CDYL: variants seen among roughly 807,000 people sequenced by gnomAD.
CDYL encodes chromodomain Y like, also known as chromodomain Y-like protein.
CDYL carries 8 observed loss-of-function variants against 47.3 expected under a neutral mutation model. The observed-to-expected ratio is 0.17, with a 90% CI of 0.10 to 0.31. The LOEUF is 0.31. CDYL is among the 10% of genes least tolerant of loss of function. The pLI, the probability that CDYL is intolerant of heterozygous loss-of-function variation, is 1.00. For synonymous variants in CDYL, 266 were observed against 265.0 expected, an observed-to-expected ratio of 1.00 and a Z score of -0.04; for missense variants, 471 against 701.4, an observed-to-expected ratio of 0.67 and a Z score of 3.71.
intron 1 of CDYL, among the ~76,000 whole-genome samples, chr6:4,794,458 A>G (rs1027397147): frequency 3.3e-5 from 5 of 152,114 alleles, no homozygotes; most frequent in Non-Finnish European, 1.5e-5. Context: ...GGTGGTGATT[A>G]TGGGCGACTC....
chr6:4,935,407 T>G, intron 2 of CDYL, 108 bp from the exon 3 acceptor site: 1 of 972,516 alleles, frequency 1.0e-6, no homozygotes, highest in Non-Finnish European at 1.6e-6. Context: ...CTTATATTCG[T>G]TTAATCCTAA....
At chr6:4,862,573 A>G (rs1055950942) in intron 1 of CDYL, among the ~76,000 whole-genome samples, 4 of 152,208 alleles carry the variant, frequency 2.6e-5, no homozygotes, top group African/African-American at 9.6e-5. Context: ...AATGATCTCA[A>G]AGCTCCCTAC....
chr6:4,740,372 G>A (rs1053825523), intron 3 of CDYL, among the ~76,000 whole-genome samples: 7 of 152,184 alleles, frequency 4.6e-5, no homozygotes, highest in East Asian at 1.9e-4. Context: ...CATTTTAGTC[G>A]TCACAGCTGG....
Position 4,780,394 on chromosome 6 carries a change from CTA to C in CDYL, c.24+3588_24+3589del, listed in dbSNP as rs58462500. 4.5e-3 allele frequency among the ~76,000 whole-genome samples: 238 copies of C among 52,822 alleles called. 2 individuals carry two copies. Among genetic ancestry groups the C allele is most frequent in the African/African-American group, 0.014 (181 of 12,556 alleles). The allele number at this position is 52,822 out of a possible 152,430, so 34.7% of individuals were successfully genotyped here. A position where few individuals can be genotyped will look rare whatever the true frequency, so the allele number is the denominator to read the frequency against. Reference sequence around the variant, plus strand: ...GATTACAGACGTGCACCACCCCCGCCTACGCCCCCCCCCCCCCGCCCCCGCCC... The same window carrying C: ...GATTACAGACGTGCACCACCCCCGCCCGCCCCCCCCCCCCCGCCCCCGCCC... On this transcript the variant is annotated intron_variant, in intron 1 of 6. Coordinates refer to ENST00000397588, the MANE Select transcript of CDYL (RefSeq NM_004824.4).
rs1238258761 is a variant in CDYL, at chr6:4,819,115, G to A, written c.24+42308G>A. 4.8e-4 allele frequency among the ~76,000 whole-genome samples: 18 copies of A among 37,370 alleles called. 1 individual carries two copies. The East Asian group carries it at 0.011, about 23-fold the overall frequency. 24.5% of individuals were successfully genotyped at this position (37,370 alleles called of 152,430 possible). On this transcript the variant is annotated intron_variant, in intron 1 of 6. Transcript: ENST00000397588. ...CCTGGCTCTTTTTCTTTTTAGGTTC[G>A]TTCTCTCTCTCTCTCTCTCTCTCTC...
chr6:4,790,112 G>C (rs187701255), intron 1 of CDYL, among the ~76,000 whole-genome samples: 1 of 152,156 alleles, frequency 6.6e-6, no homozygotes, highest in East Asian at 1.9e-4. Flanking sequence ...AAGATTTGCT[G>C]TTCTCCTCAG....
At chr6:4,901,611 T>C (rs541422946) in intron 2 of CDYL, among the ~76,000 whole-genome samples, 16 of 152,314 alleles carry the variant, frequency 1.1e-4, no homozygotes, top group African/African-American at 2.9e-4. Context: ...GGTGGGAAAC[T>C]AGACTCTACG....
At chr6:4,714,588 A>T (rs542296183) in intron 1 of CDYL, 2 of 152,346 alleles carry the variant, frequency 1.3e-5, no homozygotes, top group East Asian at 3.9e-4. Flanking sequence ...TTGAAGCACC[A>T]TGCTCCCAGG....
chr6:4,920,564 G>A (rs1757682405), intron 2 of CDYL, among the ~76,000 whole-genome samples: 1 of 152,162 alleles, frequency 6.6e-6, no homozygotes, highest in Admixed American at 6.5e-5. Context: ...CAGTAGGAGG[G>A]ATAAAAGCAG....
chr6:4,728,519 A>G (rs1440624597), intron 2 of CDYL, among the ~76,000 whole-genome samples: 2 of 152,214 alleles, frequency 1.3e-5, no homozygotes, highest in African/African-American at 2.4e-5. Context: ...GAAAAATGGA[A>G]AAGATGATGA....
At chr6:4,939,650 G>A (rs1281055683) in intron 4 of CDYL, among the ~76,000 whole-genome samples, 1 of 152,104 alleles carries the variant, frequency 6.6e-6, no homozygotes, top group African/African-American at 2.4e-5. Flanking sequence ...GGTACACTAG[G>A]TGGGACCATC....
chr6:4,750,838 C>G (rs569279598), intron 3 of CDYL, among the ~76,000 whole-genome samples: 165 of 149,696 alleles, frequency 1.1e-3, no homozygotes, highest in Non-Finnish European at 1.8e-3. Context: ...GCAAAATACT[C>G]TTTTCTTTTT....
intron 1 of CDYL, among the ~76,000 whole-genome samples, chr6:4,853,959 C>G (rs375497995): frequency 6.6e-6 from 1 of 152,360 alleles, no homozygotes; most frequent in East Asian, 1.9e-4. Flanking sequence ...TCCCGAAATT[C>G]AGCACAGATG....
chr6:4,708,059 T>C (rs1409160400), intron 1 of CDYL, among the ~76,000 whole-genome samples: 2 of 152,190 alleles, frequency 1.3e-5, no homozygotes, highest in East Asian at 3.8e-4. Context: ...TGGAACTTAC[T>C]GAAACTTCCT....
chr6:4,809,911 C>T (rs113102605), intron 1 of CDYL, among the ~76,000 whole-genome samples: 44 of 106,792 alleles, frequency 4.1e-4, no homozygotes, highest in African/African-American at 5.0e-4. Context: ...CTTGGCGATA[C>T]TTTGTATGGT....
intron 2 of CDYL, among the ~76,000 whole-genome samples, chr6:4,909,851 G>A (rs1221167755): frequency 6.6e-6 from 1 of 151,988 alleles, no homozygotes; most frequent in Non-Finnish European, 1.5e-5. Flanking sequence ...GGGATTACAG[G>A]CATGAGCCAC....
rs369415131 is a variant in CDYL, at chr6:4,943,678, A to G, written c.1254A>G (p.Gln418=). The part of the protein sequence containing the change: ...VVWANEKAWF[Q]TPYTTFGQSP... Reference sequence around the variant, plus strand: ...GGGCTAATGAAAAGGCTTGGTTTCAAACACCCTATACCACCTTCGGACAGA... The same window carrying G: ...GGGCTAATGAAAAGGCTTGGTTTCAGACACCCTATACCACCTTCGGACAGA... Residue 418 remains glutamine (Q), a synonymous_variant, in exon 5 of 7, where the codon CAA becomes CAG. Coordinates refer to ENST00000397588, the MANE Select transcript of CDYL (RefSeq NM_004824.4). 3.7e-6 allele frequency: 6 copies of G among 1,613,904 alleles called. No individual in the cohort carries two copies. The African/African-American group carries it at 8.0e-5, about 22-fold the overall frequency.
intron 1 of CDYL, among the ~76,000 whole-genome samples, chr6:4,800,144 C>T (rs115233934): frequency 0.01 from 1,543 of 152,132 alleles, 38 homozygotes; most frequent in African/African-American, 0.035. Flanking sequence ...AATCCATTTA[C>T]ATTTAAAGTA....
At chr6:4,722,512 C>T (rs891941983) in intron 2 of CDYL, among the ~76,000 whole-genome samples, 2 of 152,144 alleles carry the variant, frequency 1.3e-5, no homozygotes, top group African/African-American at 4.8e-5. Context: ...AAAAAGAGTA[C>T]GTGCCACAGT....
Sources: allele counts gnomAD v4.1 joint callset (sites outside exome capture counted in the v4.1 genomes callset), GRCh38; gene constraint gnomAD v4.1.1; transcripts MANE v1.5; gene names NCBI Gene and HGNC (gene_info 2026-07-23, HGNC 2026-07-21).